TULP4: variants seen among roughly 807,000 people sequenced by gnomAD.
TULP4 encodes the protein TUB like protein 4.
TULP4 carries 16 observed loss-of-function variants against 129.0 expected under a neutral mutation model. That is an observed-to-expected ratio of 0.12 (90% confidence interval 0.08 to 0.19). The LOEUF (loss-of-function observed/expected upper bound fraction) is 0.19. Among genes scored for constraint, TULP4 ranks in the 10% least tolerant of loss-of-function variants. The pLI is 1.00. For synonymous variants in TULP4, 998 were observed against 854.0 expected (o/e 1.17, Z -2.94); for missense variants, 1,842 against 2,059.1 (o/e 0.89, Z 2.04).
intron 6 of TULP4, 43 bp from the exon 7 acceptor site, chr6:158,479,701 TCCCACAA>T: frequency 1.3e-6 from 2 of 1,571,230 alleles, no homozygotes; most frequent in Admixed American, 1.7e-5. Flanking sequence ...CCTTTTTGCT[TCCCACAA>T]GAGCAAAAGC....
chr6:158,424,521 A>G (rs1778430224), intron 2 of TULP4, among the ~76,000 whole-genome samples: 1 of 152,142 alleles, frequency 6.6e-6, no homozygotes, highest in African/African-American at 2.4e-5. Flanking sequence ...AAGTGCTGGG[A>G]TTACAGGTGT....
intron 1 of TULP4, among the ~76,000 whole-genome samples, chr6:158,378,485 T>TTTGG (rs1554285635): frequency 1.2e-4 from 6 of 51,412 alleles, no homozygotes; most frequent in Admixed American, 5.2e-4. Context: ...TTTTTTTTTT[T>TTTGG]GGTGGGGGTG....
chr6:158,392,794 CTTTTTTTTT>C (rs773565295), intron 1 of TULP4, among the ~76,000 whole-genome samples: 2 of 54,648 alleles, frequency 3.7e-5, no homozygotes, highest in Non-Finnish European at 6.0e-5. Flanking sequence ...ATTTGTATTT[CTTTTTTTTT>C]TTTTTTTTTT....
At chr6:158,483,235 G>A (rs1380559014) in intron 8 of TULP4, among the ~76,000 whole-genome samples, 1 of 152,142 alleles carries the variant, frequency 6.6e-6, no homozygotes, top group Non-Finnish European at 1.5e-5. Flanking sequence ...TATGTCACAA[G>A]GCACAATATA....
rs1562555780 is a variant in TULP4 at position 158,413,597 on chromosome 6, A to G, written c.381+404A>G. ...GGAGAGCTTCACGTGACTTCTCACA[A>G]CCTGCTCAACAAGGAAAGGGTGCTA... is the stretch of plus-strand genomic sequence containing the variant. On this transcript the variant is annotated intron_variant, in intron 2 of 13. Transcript: ENST00000367097. This position sits in a 1 kb window ranked among gnomAD's most constrained non-coding sequence, Gnocchi z 4.9. Among the ~76,000 whole-genome samples, 1 of 152,190 alleles carries G rather than the reference A, an allele frequency of 6.6e-6. No individual in the cohort carries two copies. Among genetic ancestry groups the G allele is most frequent in the East Asian group, 1.9e-4 (1 of 5,184 alleles).
chr6:158,464,385 G>C (rs1279194970), intron 6 of TULP4, among the ~76,000 whole-genome samples: 3 of 152,306 alleles, frequency 2.0e-5, no homozygotes, highest in African/African-American at 7.2e-5. Context: ...TTGGTTGGTT[G>C]AAAGAGTTAA....
chr6:158,269,603 C>T (rs888623234), intron 1 of TULP4, among the ~76,000 whole-genome samples: 4 of 152,082 alleles, frequency 2.6e-5, no homozygotes, highest in Non-Finnish European at 4.4e-5. Context: ...CCCTGATTTC[C>T]AGATGGAATC....
intron 12 of TULP4, among the ~76,000 whole-genome samples, chr6:158,499,886 A>G (rs116335346): frequency 0.014 from 2,134 of 152,256 alleles, 50 homozygotes; most frequent in African/African-American, 0.048. Flanking sequence ...TTCCAACAAT[A>G]GCCATCTTGC....
chr6:158,236,815 T>C lies in TULP4; in HGVS notation n.68+4512T>C, dbSNP rs1432242861. Among the ~76,000 whole-genome samples the C allele has an allele frequency of 3.1e-4, 37 of 117,682 alleles. 3 individuals carry two copies. Among genetic ancestry groups the C allele is most frequent in the Admixed American group, 5.1e-4 (6 of 11,662 alleles). The allele number at this position is 117,682 out of a possible 152,430, so 77.2% of individuals were successfully genotyped here. A position where few individuals can be genotyped will look rare whatever the true frequency, so the allele number is the denominator to read the frequency against. On this transcript the variant is annotated intron_variant and non_coding_transcript_variant, in intron 1 of 1. Coordinates refer to the TULP4 transcript ENST00000620026. ...CTTTTCTTTTTTTTTTTTTTTTTTT[T>C]TTTTTTTTTTTTTTTTGAGATAGGG...
intron 9 of TULP4, among the ~76,000 whole-genome samples, chr6:158,491,412 TC>T (rs1162891391): frequency 4.9e-4 from 13 of 26,770 alleles, no homozygotes; most frequent in South Asian, 2.2e-3. Context: ...TTTCTTTCTT[TC>T]TTTCTTTCTT....
rs533174829 is a variant in TULP4 at position 158,348,675 on chromosome 6, C to T, written c.252+34407C>T. Among the ~76,000 whole-genome samples the T allele has an allele frequency of 3.9e-4, 59 of 152,220 alleles. No individual in the cohort carries two copies. The East Asian group carries it at 5.4e-3, about 14-fold the overall frequency. On this transcript the variant is annotated intron_variant, in intron 1 of 13. Coordinates refer to ENST00000367097, the MANE Select transcript of TULP4 (RefSeq NM_020245.5). ...TGCCATTGTCATCATGGCCCGTTCTCGATGGTCGCTGTCTCTTCGGAGCTG... is the reference window on the plus strand; with the variant it reads ...TGCCATTGTCATCATGGCCCGTTCTTGATGGTCGCTGTCTCTTCGGAGCTG...
intron 6 of TULP4, among the ~76,000 whole-genome samples, chr6:158,462,819 G>A (rs1226171355): frequency 2.1e-5 from 3 of 143,068 alleles, no homozygotes; most frequent in Non-Finnish European, 4.5e-5. Flanking sequence ...GCGCCATCTC[G>A]GCTCACTGCA....
chr6:158,285,287 GTTGT>G (rs1458434470), intron 1 of TULP4, among the ~76,000 whole-genome samples: 2 of 151,904 alleles, frequency 1.3e-5, no homozygotes, highest in Admixed American at 1.3e-4. Context: ...CAAATAATAT[GTTGT>G]TTATTAACAA....
chr6:158,491,584 C>A (rs1780212159), intron 9 of TULP4, among the ~76,000 whole-genome samples: 4 of 151,782 alleles, frequency 2.6e-5, no homozygotes, highest in Admixed American at 2.6e-4. Context: ...CCTCCACCTC[C>A]TGGGTTCAAA....
Position 158,363,736 on chromosome 6 carries a change from C to T in TULP4, c.253-49329C>T, listed in dbSNP as rs145024852. On this transcript the variant is annotated intron_variant, in intron 1 of 13. Transcript: ENST00000367097. Reference sequence around the variant, plus strand: ...CCTGACCTCAGGTGATCCACCCCCCCGGCCTCCCAAAGTGCTGGGATTACA... The same window carrying T: ...CCTGACCTCAGGTGATCCACCCCCCTGGCCTCCCAAAGTGCTGGGATTACA... Among the ~76,000 whole-genome samples the T allele has an allele frequency of 5.1e-4, 78 of 152,202 alleles. No individual in the cohort carries two copies. The East Asian group carries it at 9.3e-3, about 18-fold the overall frequency.
At chr6:158,448,348 T>C (rs1314230116) in intron 3 of TULP4, among the ~76,000 whole-genome samples, 2 of 152,194 alleles carry the variant, frequency 1.3e-5, no homozygotes, top group Non-Finnish European at 2.9e-5. Context: ...ATTAATGAGG[T>C]AGAGCTTTCA....
At chr6:158,403,362 G>A (rs778161754) in intron 1 of TULP4, among the ~76,000 whole-genome samples, 1 of 152,064 alleles carries the variant, frequency 6.6e-6, no homozygotes, top group Non-Finnish European at 1.5e-5. Flanking sequence ...TTTTTGAGAC[G>A]GAGTTTCGCT....
At chr6:158,440,027 T>A (rs537172702) in intron 3 of TULP4, among the ~76,000 whole-genome samples, 281 of 150,462 alleles carry the variant, frequency 1.9e-3, no homozygotes, top group Middle Eastern at 3.4e-3. Context: ...GTTTCTTTTT[T>A]AAAAAAAAAT....
intron 1 of TULP4, among the ~76,000 whole-genome samples, chr6:158,408,705 C>T (rs1295220313): frequency 6.6e-6 from 1 of 152,186 alleles, no homozygotes; most frequent in African/African-American, 2.4e-5. Context: ...CCTTCCTCAC[C>T]ACTGACCTCC....
Sources: allele counts gnomAD v4.1 joint callset (sites outside exome capture counted in the v4.1 genomes callset), GRCh38; gene constraint gnomAD v4.1.1; non-coding constraint Gnocchi (gnomAD v3.1); transcripts MANE v1.5; gene names NCBI Gene and HGNC (gene_info 2026-07-23, HGNC 2026-07-21).